The following MNAT1 variants were observed in gnomAD, a reference collection of about 807,000 sequenced individuals.
MNAT1 encodes the protein CDK-activating kinase assembly factor MAT1.
A neutral mutation model predicts 42.0 loss-of-function variants in MNAT1; 43 were observed. The ratio of observed to expected loss-of-function variants is 1.02; its 90% CI spans 0.80 to 1.32. The LOEUF (loss-of-function observed/expected upper bound fraction) is 1.32, where lower values mean the gene tolerates loss of function less well. Among genes scored for constraint, MNAT1 ranks in the 40% most tolerant of loss-of-function variants. The pLI is 0.00. For missense variants in MNAT1, 306 were observed against 350.4 expected (o/e 0.87, Z 1.01); for synonymous variants, 118 against 120.0 (o/e 0.98, Z 0.11).
intron 1 of MNAT1, among the ~76,000 whole-genome samples, chr14:60,761,406 C>T (rs554394992): frequency 6.6e-6 from 1 of 152,286 alleles, no homozygotes; most frequent in South Asian, 2.1e-4. Context: ...GAACAGTGTT[C>T]TCTAAGTGAA....
In MNAT1 at chr14:60,740,265, G is replaced by A. The variant is rs538807345; in HGVS notation, c.89+5314G>A. Among the ~76,000 whole-genome samples, 1 of 152,296 alleles carries A rather than the reference G, an allele frequency of 6.6e-6. No individual in the cohort carries two copies. Among genetic ancestry groups the A allele is most frequent in the Admixed American group, 6.5e-5 (1 of 15,306 alleles). Reference sequence around the variant, plus strand: ...GCACGAGACGCAAAGTACAAGATAAGCAAAATCAAGTACCTACCATCTTGA... The same window carrying A: ...GCACGAGACGCAAAGTACAAGATAAACAAAATCAAGTACCTACCATCTTGA... On this transcript the variant is annotated intron_variant, in intron 1 of 7. Coordinates refer to ENST00000261245, the MANE Select transcript of MNAT1 (RefSeq NM_002431.4). The surrounding 1 kb of genome is among the most constrained non-coding windows in gnomAD (Gnocchi z 4.1).
At chr14:60,960,277 G>T in intron 7 of MNAT1, among the ~76,000 whole-genome samples, 1 of 152,138 alleles carries the variant, frequency 6.6e-6, no homozygotes. Context: ...AGGTATTGGG[G>T]ATAGCAGGGG....
chr14:60,777,446 A>G (rs1458761956), intron 1 of MNAT1, among the ~76,000 whole-genome samples: 2 of 151,052 alleles, frequency 1.3e-5, no homozygotes, highest in Non-Finnish European at 1.5e-5. Flanking sequence ...TCCCCCCCCA[A>G]AATTTTTGTT....
chr14:60,833,075 G>A (rs2033272277), intron 6 of MNAT1, among the ~76,000 whole-genome samples: 2 of 152,074 alleles, frequency 1.3e-5, no homozygotes, highest in African/African-American at 2.4e-5. Context: ...AGGAGTTTTT[G>A]GGCTGAGATG....
intron 7 of MNAT1, among the ~76,000 whole-genome samples, chr14:60,948,141 A>G (rs2036316384): frequency 6.6e-6 from 1 of 152,190 alleles, no homozygotes; most frequent in South Asian, 2.1e-4. Flanking sequence ...TTTAAAAGAT[A>G]CTGAAGGGGC....
chr14:60,913,031 A>G (rs1186394023), intron 7 of MNAT1, among the ~76,000 whole-genome samples: 2 of 152,002 alleles, frequency 1.3e-5, no homozygotes, highest in African/African-American at 4.8e-5. Context: ...GTTTCTTTTT[A>G]TTCTTTTTTC....
chr14:60,787,684 T>C (rs1397884612), intron 1 of MNAT1, among the ~76,000 whole-genome samples: 1 of 152,220 alleles, frequency 6.6e-6, no homozygotes, highest in African/African-American at 2.4e-5. Flanking sequence ...ATGTTATTTC[T>C]GAATCTCTTG....
Position 60,844,163 on chromosome 14 carries a change from G to A in MNAT1, c.687+25316G>A, listed in dbSNP as rs1202926352. ...TATCTTGATTACTATAGTAATTCTT[G>A]AATTAAGGTAGTATAAGTGTTCCAA... On this transcript the variant is annotated intron_variant, in intron 6 of 7. Transcript: ENST00000261245. Among the ~76,000 whole-genome samples the A allele has an allele frequency of 5.3e-5, 8 of 152,074 alleles. No individual in the cohort carries two copies. In the East Asian group the frequency reaches 1.5e-3, roughly 29 times the overall value.
intron 1 of MNAT1, among the ~76,000 whole-genome samples, chr14:60,750,618 G>A (rs1373454362): frequency 6.6e-6 from 1 of 150,588 alleles, no homozygotes; most frequent in Non-Finnish European, 1.5e-5. Context: ...ATGTGAAAGT[G>A]GGCTTTATTG....
intron 7 of MNAT1, among the ~76,000 whole-genome samples, chr14:60,924,086 G>A (rs995868453): frequency 6.6e-6 from 1 of 152,114 alleles, no homozygotes; most frequent in Non-Finnish European, 1.5e-5. Flanking sequence ...CAAAAAGTTT[G>A]TTTCAGAAAA....
intron 7 of MNAT1, among the ~76,000 whole-genome samples, chr14:60,914,428 C>T (rs915862585): frequency 6.6e-6 from 1 of 152,068 alleles, no homozygotes; most frequent in Non-Finnish European, 1.5e-5. Context: ...ACGCTGGGAG[C>T]TGTAGACTGG....
rs538405107 is a variant in MNAT1, at chr14:60,773,424, C to A, written c.90-22793C>A. On this transcript the variant is annotated intron_variant, in intron 1 of 7. Transcript: ENST00000261245. ...GCATAACAAATGTGATCACTGTGTTCATGGAATAATATATTTGGGGAGACA... is the reference window on the plus strand; with the variant it reads ...GCATAACAAATGTGATCACTGTGTTAATGGAATAATATATTTGGGGAGACA... Among the ~76,000 whole-genome samples, 7 of 152,122 alleles carry A rather than the reference C, an allele frequency of 4.6e-5. No individual in the cohort carries two copies. In the South Asian group the frequency reaches 1.5e-3, roughly 32 times the overall value.
At chr14:60,939,190 G>C (rs1350479845) in intron 7 of MNAT1, among the ~76,000 whole-genome samples, 1 of 152,108 alleles carries the variant, frequency 6.6e-6, no homozygotes, top group Non-Finnish European at 1.5e-5. Context: ...CCAGCTCCTG[G>C]ATTCATTGAT....
intron 1 of MNAT1, among the ~76,000 whole-genome samples, chr14:60,786,941 A>G (rs1171752186): frequency 3.9e-5 from 6 of 152,212 alleles, no homozygotes; most frequent in Admixed American, 3.9e-4. Context: ...GTAAAGACAT[A>G]CCTTATTTAG....
At chr14:60,914,017 A>G (rs912326475) in intron 7 of MNAT1, among the ~76,000 whole-genome samples, 2 of 152,178 alleles carry the variant, frequency 1.3e-5, no homozygotes, top group Non-Finnish European at 2.9e-5. Context: ...CTCAAGCCTG[A>G]GCAATGGCAG....
At chr14:60,842,386 C>T (rs2033575819) in intron 6 of MNAT1, among the ~76,000 whole-genome samples, 1 of 152,154 alleles carries the variant, frequency 6.6e-6, no homozygotes, top group African/African-American at 2.4e-5. Context: ...TTCCTAGGCT[C>T]TGTTTGGGTT....
intron 7 of MNAT1, among the ~76,000 whole-genome samples, chr14:60,914,274 G>T (rs143714164): frequency 6.6e-6 from 1 of 152,192 alleles, no homozygotes; most frequent in African/African-American, 2.4e-5. Flanking sequence ...TGCGCTTCCC[G>T]GGTGAGGCGA....
At chr14:60,897,852 A>T (rs1441534680) in intron 7 of MNAT1, among the ~76,000 whole-genome samples, 1 of 151,976 alleles carries the variant, frequency 6.6e-6, no homozygotes, top group Non-Finnish European at 1.5e-5. Context: ...CTTCTATCTA[A>T]CTGTAAGTTT....
intron 7 of MNAT1, among the ~76,000 whole-genome samples, chr14:60,912,685 A>G (rs1314156079): frequency 6.6e-6 from 1 of 152,208 alleles, no homozygotes; most frequent in African/African-American, 2.4e-5. Flanking sequence ...TTCTGCCAAG[A>G]GATCAGCTGT....
Sources: gnomAD v4.1 joint callset for allele counts (sites outside exome capture counted in the v4.1 genomes callset) on GRCh38, gnomAD v4.1.1 for gene constraint, Gnocchi (gnomAD v3.1) non-coding constraint, MANE v1.5 for transcripts, NCBI Gene and HGNC (gene_info 2026-07-23, HGNC 2026-07-21) for gene names.